Variants in CRISPLD2 observed in about 807,000 individuals in gnomAD.
CRISPLD2 encodes cysteine-rich secretory protein LCCL domain-containing 2.
Under a neutral mutation model 71.1 loss-of-function variants are expected in CRISPLD2, and 47 were observed. The observed-to-expected ratio is 0.66, with a 90% CI of 0.52 to 0.84. The LOEUF (loss-of-function observed/expected upper bound fraction) is 0.84. CRISPLD2 is among the 40% of genes least tolerant of loss of function. The pLI, the probability that CRISPLD2 is intolerant of heterozygous loss-of-function variation, is 0.00. For missense variants in CRISPLD2, 830 were observed against 651.1 expected (o/e 1.27, Z -2.99); for synonymous variants, 317 against 250.1 (o/e 1.27, Z -2.52).
chr16:84,869,010 G>T, intron 8 of CRISPLD2, 99 bp downstream of exon 8: 1 of 1,062,344 alleles, frequency 9.4e-7, no homozygotes, highest in Non-Finnish European at 1.4e-6. Context: ...CTGTCCTGCT[G>T]TTGCATATTT....
At chr16:84,835,887 A>T (rs1240076400) in intron 1 of CRISPLD2, among the ~76,000 whole-genome samples, 1 of 151,622 alleles carries the variant, frequency 6.6e-6, no homozygotes, top group African/African-American at 2.4e-5. Flanking sequence ...ACAGCATTTG[A>T]CTCCTCCTGT....
intron 14 of CRISPLD2, among the ~76,000 whole-genome samples, chr16:84,902,808 C>T (rs1263098768): frequency 5.7e-5 from 7 of 123,144 alleles, no homozygotes; most frequent in Admixed American, 5.6e-4. Flanking sequence ...GAGTCTCACT[C>T]TGTTGCCCAG....
intron 9 of CRISPLD2, among the ~76,000 whole-genome samples, 177 bp downstream of exon 9, chr16:84,872,685 C>T (rs1228681132): frequency 1.3e-5 from 2 of 152,202 alleles, no homozygotes; most frequent in African/African-American, 2.4e-5. Context: ...AAGCCACTTT[C>T]GGGGACCAAT....
At chr16:84,850,790 C>G in intron 5 of CRISPLD2, 107 bp downstream of exon 5, 1 of 796,358 alleles carries the variant, frequency 1.3e-6, no homozygotes, top group Non-Finnish European at 2.2e-6. Flanking sequence ...TAATATCTCA[C>G]ATAACAAAGA....
intron 6 of CRISPLD2, among the ~76,000 whole-genome samples, chr16:84,858,245 G>T (rs1404209805): frequency 1.3e-5 from 2 of 152,140 alleles, no homozygotes; most frequent in Non-Finnish European, 2.9e-5. Context: ...ACAGCAACCT[G>T]GACCTGTTGC....
chr16:84,832,936 G>A (rs752339773), intron 1 of CRISPLD2, among the ~76,000 whole-genome samples: 1 of 152,202 alleles, frequency 6.6e-6, no homozygotes, highest in African/African-American at 2.4e-5. Flanking sequence ...ATGGTTTGGT[G>A]ATCCCCTAAA....
chr16:84,878,173 G>A (rs1297349044), intron 12 of CRISPLD2, among the ~76,000 whole-genome samples: 14 of 152,140 alleles, frequency 9.2e-5, no homozygotes, highest in East Asian at 7.7e-4. Context: ...GCAGTGAGCC[G>A]AGATCGCACC....
intron 6 of CRISPLD2, among the ~76,000 whole-genome samples, chr16:84,860,688 C>T (rs932153341): frequency 3.3e-5 from 5 of 152,190 alleles, no homozygotes; most frequent in Admixed American, 3.3e-4. Flanking sequence ...CTCAGTGTCC[C>T]TAGCTTCAGC....
chr16:84,830,855 C>T (rs545712767), intron 1 of CRISPLD2, among the ~76,000 whole-genome samples: 11 of 152,144 alleles, frequency 7.2e-5, no homozygotes, highest in Non-Finnish European at 1.2e-4. Context: ...GCTGCGTGAC[C>T]GTGTGCTTCT....
At chr16:84,891,132 A>G (rs2071658533) in intron 14 of CRISPLD2, among the ~76,000 whole-genome samples, 1 of 152,186 alleles carries the variant, frequency 6.6e-6, no homozygotes, top group Non-Finnish European at 1.5e-5. Flanking sequence ...GAGGGTTAGG[A>G]CATTAACATA....
intron 13 of CRISPLD2, among the ~76,000 whole-genome samples, chr16:84,883,105 G>GTACTTAAGAGC (rs1281996379): frequency 1.3e-5 from 2 of 152,160 alleles, no homozygotes; most frequent in Non-Finnish European, 2.9e-5. Context: ...GCAGTACTCA[G>GTACTTAAGAGC]TACTTAAGTA....
chr16:84,878,651 G>T (rs892916641), intron 12 of CRISPLD2, among the ~76,000 whole-genome samples: 1 of 152,206 alleles, frequency 6.6e-6, no homozygotes, highest in Non-Finnish European at 1.5e-5. Context: ...AAAATAAAGG[G>T]TGTCCTGGGA....
intron 6 of CRISPLD2, 148 bp downstream of exon 6, chr16:84,854,977 G>A (rs570897976): frequency 1.1e-4 from 73 of 672,276 alleles, no homozygotes; most frequent in African/African-American, 1.0e-3. Context: ...TCCCGCCTCC[G>A]TGATGAGCTG....
chr16:84,844,845 G>A (rs1916869113), intron 2 of CRISPLD2, among the ~76,000 whole-genome samples: 1 of 152,154 alleles, frequency 6.6e-6, no homozygotes, highest in Non-Finnish European at 1.5e-5. Flanking sequence ...ACTGCAGCCA[G>A]GCCCTGGGCT....
At chr16:84,840,682 A>G (rs1364420786) in intron 2 of CRISPLD2, among the ~76,000 whole-genome samples, 1 of 151,838 alleles carries the variant, frequency 6.6e-6, no homozygotes. Context: ...AATTTTTTGT[A>G]TTTTTATTAG....
chr16:84,894,049 C>T (rs753062368), intron 14 of CRISPLD2, among the ~76,000 whole-genome samples: 65 of 152,224 alleles, frequency 4.3e-4, no homozygotes, highest in Non-Finnish European at 5.9e-4. Context: ...TCTCAGCACA[C>T]GGGGCCGAAG....
intron 5 of CRISPLD2, among the ~76,000 whole-genome samples, chr16:84,851,315 G>C (rs1270840166): frequency 6.6e-6 from 1 of 152,246 alleles, no homozygotes; most frequent in African/African-American, 2.4e-5. Context: ...TCATCAGTGT[G>C]GTGTCCAGCC....
chr16:84,894,048 A>C (rs375434505), intron 14 of CRISPLD2, among the ~76,000 whole-genome samples: 17 of 152,346 alleles, frequency 1.1e-4, no homozygotes, highest in African/African-American at 4.1e-4. Context: ...TTCTCAGCAC[A>C]CGGGGCCGAA....
chr16:84,852,270 A>T (rs535491555), intron 5 of CRISPLD2, among the ~76,000 whole-genome samples: 1 of 152,340 alleles, frequency 6.6e-6, no homozygotes, highest in African/African-American at 2.4e-5. Context: ...ACACATAATG[A>T]AAGTCCACGG....
Sources: gnomAD v4.1 joint callset for allele counts (sites outside exome capture counted in the v4.1 genomes callset) on GRCh38, gnomAD v4.1.1 for gene constraint, MANE v1.5 for transcripts, NCBI Gene and HGNC (gene_info 2026-07-23, HGNC 2026-07-21) for gene names.